IGFBP7: variants seen among roughly 807,000 people sequenced by gnomAD.
IGFBP7 encodes insulin-like growth factor-binding protein 7.
In IGFBP7, 31 loss-of-function variants were observed where a neutral mutation model predicts 29.4. The ratio of observed to expected loss-of-function variants is 1.05; its 90% CI spans 0.79 to 1.42. The LOEUF is 1.42. IGFBP7 is among the 40% of genes most tolerant of loss of function. IGFBP7 has a pLI of 0.00. For missense variants in IGFBP7, 393 were observed against 395.5 expected, an observed-to-expected ratio of 0.99 and a Z score of 0.05; for synonymous variants, 172 against 174.9, an observed-to-expected ratio of 0.98 and a Z score of 0.13.
chr4:57,078,955 C>T (rs1333517087), intron 1 of IGFBP7, among the ~76,000 whole-genome samples: 1 of 152,208 alleles, frequency 6.6e-6, no homozygotes, highest in African/African-American at 2.4e-5. Context: ...GTCCACAGGG[C>T]CCCCAGTTCT....
At chr4:57,072,416 C>T (rs1725074195) in intron 1 of IGFBP7, among the ~76,000 whole-genome samples, 1 of 152,034 alleles carries the variant, frequency 6.6e-6, no homozygotes, top group South Asian at 2.1e-4. Context: ...CCCTGTGGTC[C>T]CAGCTACTTA....
At position 57,030,902 on chromosome 4, in the gene IGFBP7, T is replaced by A. The variant is rs886094365; in HGVS notation, c.*415A>T. On this transcript the variant is annotated 3_prime_UTR_variant, in exon 5 of 5. Coordinates refer to ENST00000295666, the MANE Select transcript of IGFBP7 (RefSeq NM_001553.3). Reference sequence around the variant, plus strand: ...ACCATTTGTTTTTTCTTTTCAGATTTCTTTGGTGCGAATGCCTTACGCATG... The same window carrying A: ...ACCATTTGTTTTTTCTTTTCAGATTACTTTGGTGCGAATGCCTTACGCATG... The A allele has an allele frequency of 8.1e-6, 13 of 1,595,912 alleles. No homozygotes were observed. Among genetic ancestry groups the A allele is most frequent in the Non-Finnish European group, 1.1e-5 (13 of 1,163,432 alleles).
At chr4:57,038,821 C>A (rs559226277) in intron 2 of IGFBP7, among the ~76,000 whole-genome samples, 2 of 152,148 alleles carry the variant, frequency 1.3e-5, no homozygotes, top group South Asian at 2.1e-4. Flanking sequence ...AATCCTAGCA[C>A]TTTGGGAGGG....
intron 1 of IGFBP7, among the ~76,000 whole-genome samples, chr4:57,043,094 A>G (rs1724271005): frequency 6.6e-6 from 1 of 152,174 alleles, no homozygotes; most frequent in Non-Finnish European, 1.5e-5. Flanking sequence ...TAGAGATGTG[A>G]ACACCAACTT....
At chr4:57,034,681 A>C (rs1724040510) in intron 2 of IGFBP7, among the ~76,000 whole-genome samples, 2 of 152,308 alleles carry the variant, frequency 1.3e-5, no homozygotes, top group Middle Eastern at 3.4e-3. Context: ...GTCGGCTTCA[A>C]ACCTACACTG....
chr4:57,107,375 G>A (rs1239376713), intron 1 of IGFBP7, among the ~76,000 whole-genome samples: 2 of 152,176 alleles, frequency 1.3e-5, no homozygotes, highest in Non-Finnish European at 1.5e-5. Flanking sequence ...TCTGAGAATA[G>A]AAGGGAACCT....
chr4:57,034,919 C>T (rs949767440), intron 2 of IGFBP7, among the ~76,000 whole-genome samples: 2 of 152,096 alleles, frequency 1.3e-5, no homozygotes, highest in Non-Finnish European at 2.9e-5. Flanking sequence ...GTACCTTTTC[C>T]CTTAGTTTCC....
At chr4:57,097,688 G>A (rs1414342500) in intron 1 of IGFBP7, among the ~76,000 whole-genome samples, 4 of 151,896 alleles carry the variant, frequency 2.6e-5, no homozygotes, top group South Asian at 2.1e-4. Flanking sequence ...TAATAACATC[G>A]TTATTATACC....
intron 2 of IGFBP7, among the ~76,000 whole-genome samples, chr4:57,037,818 G>A (rs1314798234): frequency 1.3e-5 from 2 of 152,058 alleles, no homozygotes; most frequent in Non-Finnish European, 1.5e-5. Flanking sequence ...GAACTGCAAC[G>A]GAGCTTTTCA....
intron 1 of IGFBP7, 197 bp downstream of exon 1, chr4:57,109,680 A>C (rs1365323185): frequency 4.7e-6 from 3 of 636,412 alleles, no homozygotes; most frequent in Non-Finnish European, 7.7e-6. Flanking sequence ...AACCACCAAA[A>C]AGGAGAAGGG....
chr4:57,090,480 C>A (rs1030647483), intron 1 of IGFBP7, among the ~76,000 whole-genome samples: 1 of 152,118 alleles, frequency 6.6e-6, no homozygotes, highest in Non-Finnish European at 1.5e-5. Context: ...ACTGACTGAA[C>A]AGTTAATTTG....
intron 1 of IGFBP7, among the ~76,000 whole-genome samples, chr4:57,101,281 C>T (rs1725890295): frequency 1.3e-5 from 2 of 152,202 alleles, no homozygotes; most frequent in Non-Finnish European, 2.9e-5. Context: ...TGTCAGTGCT[C>T]TTTACTGTGG....
intron 1 of IGFBP7, among the ~76,000 whole-genome samples, chr4:57,048,442 T>C (rs1220240319): frequency 1.3e-5 from 2 of 152,202 alleles, no homozygotes; most frequent in Non-Finnish European, 2.9e-5. Flanking sequence ...AATAGGTATG[T>C]TCTGAAAAAG....
intron 1 of IGFBP7, among the ~76,000 whole-genome samples, chr4:57,060,990 T>C (rs1724784190): frequency 1.3e-5 from 2 of 151,800 alleles, no homozygotes; most frequent in African/African-American, 4.8e-5. Context: ...GAGGCTGTAG[T>C]GCCTGTGATT....
At chr4:57,083,687 C>G (rs1414674475) in intron 1 of IGFBP7, among the ~76,000 whole-genome samples, 1 of 152,110 alleles carries the variant, frequency 6.6e-6, no homozygotes, top group Non-Finnish European at 1.5e-5. Context: ...AGGAATGGTG[C>G]GTGGCACATA....
chr4:57,089,988 T>C (rs1343450051), intron 1 of IGFBP7, among the ~76,000 whole-genome samples: 1 of 152,218 alleles, frequency 6.6e-6, no homozygotes, highest in Admixed American at 6.5e-5. Flanking sequence ...GAAAGGACCC[T>C]GGTCCTTGAC....
intron 1 of IGFBP7, chr4:57,073,139 C>T: frequency 6.3e-7 from 1 of 1,593,206 alleles, no homozygotes; most frequent in Non-Finnish European, 8.6e-7. Context: ...CTGACCCAGG[C>T]TGCCCAGCCT....
chr4:57,059,623 G>A (rs552386387), intron 1 of IGFBP7, among the ~76,000 whole-genome samples: 15 of 152,152 alleles, frequency 9.9e-5, no homozygotes, highest in African/African-American at 3.4e-4. Context: ...AGGGAGAGGA[G>A]CAGAAAGGGC....
chr4:57,074,577 T>C (rs532043213), intron 1 of IGFBP7, among the ~76,000 whole-genome samples: 49 of 152,296 alleles, frequency 3.2e-4, no homozygotes, highest in African/African-American at 1.2e-3. Flanking sequence ...TTACGTCACT[T>C]TTGCCCAGAC....
Sources: allele counts gnomAD v4.1 joint callset (sites outside exome capture counted in the v4.1 genomes callset), GRCh38; gene constraint gnomAD v4.1.1; transcripts MANE v1.5; gene names NCBI Gene and HGNC (gene_info 2026-07-23, HGNC 2026-07-21).